Variants in PIK3CB observed in about 807,000 individuals in gnomAD.
The protein encoded by PIK3CB is phosphatidylinositol 4,5-bisphosphate 3-kinase catalytic subunit beta isoform.
A neutral mutation model predicts 136.8 loss-of-function variants in PIK3CB; 39 were observed. That is an observed-to-expected ratio of 0.29 (90% confidence interval 0.22 to 0.37). The LOEUF (loss-of-function observed/expected upper bound fraction) is 0.37. Among genes scored for constraint, PIK3CB ranks in the 10% least tolerant of loss-of-function variants. The pLI is 1.00. For synonymous variants in PIK3CB, 428 were observed against 436.6 expected, an observed-to-expected ratio of 0.98 and a Z score of 0.25; for missense variants, 868 against 1,275.4, an observed-to-expected ratio of 0.68 and a Z score of 4.87.
At chr3:138,814,435 A>G (rs944987710) in intron 1 of PIK3CB, among the ~76,000 whole-genome samples, 1 of 151,078 alleles carries the variant, frequency 6.6e-6, no homozygotes, top group Non-Finnish European at 1.5e-5. Flanking sequence ...CTGAGGTCAC[A>G]CCACTGCACT....
chr3:138,692,975 T>A (rs1369117072), intron 14 of PIK3CB, among the ~76,000 whole-genome samples: 1 of 152,230 alleles, frequency 6.6e-6, no homozygotes, highest in Non-Finnish European at 1.5e-5. Context: ...GGGAATGAAT[T>A]AAATAAGATA....
At chr3:138,682,205 T>C in intron 18 of PIK3CB, 160 bp from the exon 19 acceptor site, 1 of 517,202 alleles carries the variant, frequency 1.9e-6, no homozygotes, top group Non-Finnish European at 3.4e-6. Flanking sequence ...GGATAGCATG[T>C]CCCTGTGACA....
In PIK3CB at chr3:138,834,894, A is replaced by G. The variant is rs1372120581; in HGVS notation, c.-321T>C. 6.0e-5 allele frequency: 9 copies of G among 151,154 alleles called. No individual in the cohort carries two copies. In the East Asian group the frequency reaches 1.6e-3, roughly 26 times the overall value. The allele number at this position is 151,154 out of a possible 1,614,324, so 9.4% of individuals were successfully genotyped here. A position where few individuals can be genotyped will look rare whatever the true frequency, so the allele number is the denominator to read the frequency against. ...GCAGCGCCGCACAGGCCGACAGAGC[A>G]CGCGCGCGCCGCCGCCGAACCCGCG... On this transcript the variant is annotated 5_prime_UTR_variant, in exon 1 of 24. Coordinates refer to ENST00000674063, the MANE Select transcript of PIK3CB (RefSeq NM_006219.3).
intron 6 of PIK3CB, among the ~76,000 whole-genome samples, chr3:138,737,394 CAAAAAAAA>C (rs11344311): frequency 1.3e-4 from 5 of 39,066 alleles, no homozygotes; most frequent in East Asian, 6.3e-4. Context: ...CACTCTGTCT[CAAAAAAAA>C]AAAAAAAAAA....
intron 2 of PIK3CB, among the ~76,000 whole-genome samples, chr3:138,776,228 C>T (rs938600370): frequency 1.3e-5 from 2 of 152,014 alleles, no homozygotes; most frequent in Admixed American, 1.3e-4. Flanking sequence ...AGAAAAATGA[C>T]ATTAGTATCC....
intron 1 of PIK3CB, among the ~76,000 whole-genome samples, chr3:138,828,129 G>A (rs1290140280): frequency 6.6e-6 from 1 of 150,800 alleles, no homozygotes; most frequent in Non-Finnish European, 1.5e-5. Context: ...TCAATCAAAA[G>A]ATTTTAGAAC....
intron 2 of PIK3CB, among the ~76,000 whole-genome samples, chr3:138,781,298 A>T (rs537175598): frequency 1.3e-5 from 2 of 151,852 alleles, no homozygotes; most frequent in South Asian, 4.2e-4. Flanking sequence ...TCTCAAAAAA[A>T]AAAAAAACAA....
At chr3:138,765,369 A>G (rs1226027102) in intron 2 of PIK3CB, among the ~76,000 whole-genome samples, 1 of 152,166 alleles carries the variant, frequency 6.6e-6, no homozygotes, top group Non-Finnish European at 1.5e-5. Context: ...TAAAAATTTG[A>G]TTTAAATCAT....
chr3:138,772,089 G>A (rs2045807190), intron 2 of PIK3CB, among the ~76,000 whole-genome samples: 2 of 151,890 alleles, frequency 1.3e-5, no homozygotes, highest in Non-Finnish European at 2.9e-5. Flanking sequence ...CCACCTGATG[G>A]CATCCACTTG....
intron 1 of PIK3CB, among the ~76,000 whole-genome samples, chr3:138,797,501 T>C (rs1235623170): frequency 2.6e-5 from 4 of 152,206 alleles, no homozygotes; most frequent in South Asian, 2.1e-4. Context: ...TCCCAAAACA[T>C]GTGGCATGTT....
intron 2 of PIK3CB, chr3:138,778,222 G>T: frequency 4.4e-6 from 2 of 453,024 alleles, no homozygotes; most frequent in South Asian, 3.1e-5. Flanking sequence ...GTTTGTAATG[G>T]GCATGAACCA....
chr3:138,753,714 G>A (rs1194511987), intron 4 of PIK3CB, among the ~76,000 whole-genome samples: 5 of 151,878 alleles, frequency 3.3e-5, no homozygotes, highest in South Asian at 2.1e-4. Context: ...GCTGAGGTAG[G>A]AGGATCACTT....
chr3:138,833,087 G>A (rs1334296003), intron 1 of PIK3CB, among the ~76,000 whole-genome samples: 1 of 148,306 alleles, frequency 6.7e-6, no homozygotes, highest in Non-Finnish European at 1.5e-5. Context: ...TTCTTTTTGA[G>A]ACAGGGTATC....
chr3:138,702,958 T>C (rs780046312), intron 12 of PIK3CB, among the ~76,000 whole-genome samples: 20 of 152,192 alleles, frequency 1.3e-4, no homozygotes, highest in Non-Finnish European at 2.1e-4. Flanking sequence ...GCAAATTTTT[T>C]TCAGGCCATA....
intron 1 of PIK3CB, among the ~76,000 whole-genome samples, chr3:138,810,220 A>T (rs1446434065): frequency 6.6e-6 from 1 of 152,228 alleles, no homozygotes; most frequent in Admixed American, 6.5e-5. Flanking sequence ...ATGGGAGGGC[A>T]GAATAAATCT....
intron 1 of PIK3CB, among the ~76,000 whole-genome samples, chr3:138,812,471 G>A (rs555822165): frequency 4.9e-4 from 75 of 151,708 alleles, no homozygotes; most frequent in African/African-American, 1.5e-3. Context: ...TCCTGATCTC[G>A]TGATCCGCCC....
At chr3:138,725,465 T>C (rs1419793041) in intron 8 of PIK3CB, among the ~76,000 whole-genome samples, 1 of 152,206 alleles carries the variant, frequency 6.6e-6, no homozygotes, top group Non-Finnish European at 1.5e-5. Context: ...CAAAGTCAGA[T>C]TGCACAAATG....
intron 1 of PIK3CB, among the ~76,000 whole-genome samples, chr3:138,818,310 A>G (rs1351481555): frequency 6.6e-6 from 1 of 152,176 alleles, no homozygotes; most frequent in Non-Finnish European, 1.5e-5. Flanking sequence ...CTAAATGTCT[A>G]AAATCTAACT....
chr3:138,695,195 A>G (rs560544859), intron 13 of PIK3CB, among the ~76,000 whole-genome samples: 4 of 152,250 alleles, frequency 2.6e-5, no homozygotes, highest in Non-Finnish European at 5.9e-5. Context: ...GCTCAATTCC[A>G]TCTGATAAAA....
Sources: gnomAD v4.1 joint callset for allele counts (sites outside exome capture counted in the v4.1 genomes callset) on GRCh38, gnomAD v4.1.1 for gene constraint, MANE v1.5 for transcripts, NCBI Gene and HGNC (gene_info 2026-07-23, HGNC 2026-07-21) for gene names.